DOCK1: variants seen among roughly 807,000 people sequenced by gnomAD.
DOCK1 encodes dedicator of cytokinesis 1.
In DOCK1, 138 loss-of-function variants were observed where a neutral mutation model predicts 262.7. That is an observed-to-expected ratio of 0.53 (90% CI 0.46 to 0.61). The LOEUF (loss-of-function observed/expected upper bound fraction) is 0.61, where lower values mean the gene tolerates loss of function less well. Ranked by LOEUF, DOCK1 falls within the 20% of genes least tolerant of loss-of-function variation. The pLI, the probability that DOCK1 is intolerant of heterozygous loss-of-function variation, is 0.00. For missense variants in DOCK1, 1,908 were observed against 2,370.7 expected (o/e 0.80, Z 4.05); for synonymous variants, 866 against 867.4 (o/e 1.00, Z 0.03).
chr10:127,279,125 GC>G (rs1422707142), intron 29 of DOCK1, among the ~76,000 whole-genome samples: 9 of 152,196 alleles, frequency 5.9e-5, no homozygotes, highest in African/African-American at 2.2e-4. Context: ...CACACACGTG[GC>G]TTTTTCACAA....
At chr10:126,996,652 G>T in intron 6 of DOCK1, 96 bp from the exon 7 acceptor site, 3 of 1,270,772 alleles carry the variant, frequency 2.4e-6, no homozygotes, top group Non-Finnish European at 3.1e-6. Flanking sequence ...TTTCTAGGTT[G>T]TTTTTACCTG....
intron 27 of DOCK1, among the ~76,000 whole-genome samples, chr10:127,201,088 G>C (rs928647501): frequency 2.0e-5 from 3 of 152,224 alleles, no homozygotes; most frequent in African/African-American, 7.2e-5. Context: ...CTGTAGGGTC[G>C]AGATCATTCC....
intron 22 of DOCK1, among the ~76,000 whole-genome samples, chr10:127,054,414 G>GT (rs946610028): frequency 3.3e-5 from 5 of 152,152 alleles, no homozygotes; most frequent in African/African-American, 1.2e-4. Flanking sequence ...GGGCATCATG[G>GT]TTTTGTCCTT....
chr10:126,965,287 G>C (rs1431060080), intron 1 of DOCK1, among the ~76,000 whole-genome samples: 1 of 152,196 alleles, frequency 6.6e-6, no homozygotes, highest in South Asian at 2.1e-4. Flanking sequence ...GAGGGAGGAA[G>C]GATTTTCAGC....
chr10:127,298,243 C>A (rs2061568177), intron 29 of DOCK1, among the ~76,000 whole-genome samples: 1 of 152,138 alleles, frequency 6.6e-6, no homozygotes, highest in African/African-American at 2.4e-5. Flanking sequence ...TGTCAAAAAT[C>A]ACAGGTCAGC....
chr10:127,412,816 G>A (rs528153370), intron 43 of DOCK1, among the ~76,000 whole-genome samples: 4 of 152,328 alleles, frequency 2.6e-5, no homozygotes, highest in Admixed American at 2.0e-4. Flanking sequence ...GATTCCTTGT[G>A]TGTCACCAAG....
intron 29 of DOCK1, among the ~76,000 whole-genome samples, chr10:127,305,220 TG>T (rs1230293761): frequency 6.6e-6 from 1 of 152,172 alleles, no homozygotes; most frequent in African/African-American, 2.4e-5. Flanking sequence ...CATTTTCTCA[TG>T]TCACATTTAT....
At chr10:127,260,827 G>A (rs2060016479) in intron 29 of DOCK1, among the ~76,000 whole-genome samples, 1 of 148,168 alleles carries the variant, frequency 6.7e-6, no homozygotes, top group Non-Finnish European at 1.5e-5. Flanking sequence ...GCATGTGTGT[G>A]CATGGGTGTG....
At chr10:127,207,481 T>C (rs748211171) in intron 27 of DOCK1, among the ~76,000 whole-genome samples, 2 of 152,194 alleles carry the variant, frequency 1.3e-5, no homozygotes, top group African/African-American at 2.4e-5. Flanking sequence ...AATAACACTT[T>C]TGGAAGACTT....
intron 1 of DOCK1, among the ~76,000 whole-genome samples, chr10:126,924,359 G>T (rs1303562787): frequency 1.5e-5 from 2 of 132,300 alleles, no homozygotes; most frequent in East Asian, 4.7e-4. Flanking sequence ...GAACTCAGTA[G>T]TGGGAGGCTG....
chr10:127,327,903 C>T (rs914873531), intron 29 of DOCK1, among the ~76,000 whole-genome samples: 3 of 152,058 alleles, frequency 2.0e-5, no homozygotes, highest in Admixed American at 1.3e-4. Flanking sequence ...TCACTTATGA[C>T]CTTGAGGCTC....
chr10:126,986,458 G>A (rs905029856), intron 4 of DOCK1, among the ~76,000 whole-genome samples: 1 of 152,116 alleles, frequency 6.6e-6, no homozygotes. Context: ...CAACCTGTGG[G>A]GCCAGCTAGC....
At chr10:127,262,047 T>C (rs1382485745) in intron 29 of DOCK1, among the ~76,000 whole-genome samples, 9 of 127,036 alleles carry the variant, frequency 7.1e-5, no homozygotes, top group Admixed American at 3.1e-4. Flanking sequence ...TGTGTGTGTG[T>C]ACCTGTGCTC....
chr10:127,015,602 G>C (rs2041812488), intron 12 of DOCK1, among the ~76,000 whole-genome samples: 1 of 152,070 alleles, frequency 6.6e-6, no homozygotes, highest in African/African-American at 2.4e-5. Context: ...GCTAGTGGTT[G>C]TGCCTGCAAG....
chr10:127,076,350 A>T (rs573262034), intron 23 of DOCK1, among the ~76,000 whole-genome samples: 1 of 152,232 alleles, frequency 6.6e-6, no homozygotes, highest in Admixed American at 6.5e-5. Flanking sequence ...AAATACAAAA[A>T]ATTAGCTAGG....
chr10:126,912,594 C>T (rs61875474), intron 1 of DOCK1, among the ~76,000 whole-genome samples: 13,078 of 151,428 alleles, frequency 0.086, 738 homozygotes, highest in Non-Finnish European at 0.13. Context: ...GGCGTGGTGG[C>T]GGGCGCCTGT....
intron 13 of DOCK1, among the ~76,000 whole-genome samples, chr10:127,022,691 T>G (rs1363697891): frequency 6.6e-6 from 1 of 152,216 alleles, no homozygotes; most frequent in Non-Finnish European, 1.5e-5. Flanking sequence ...CCACCTCGCC[T>G]GGCCGGTCCT....
chr10:127,024,284 G>C (rs2042665041), intron 14 of DOCK1, among the ~76,000 whole-genome samples: 1 of 152,210 alleles, frequency 6.6e-6, no homozygotes, highest in African/African-American at 2.4e-5. Context: ...GGTCTTTCTG[G>C]TTGGAGTGAA....
intron 1 of DOCK1, among the ~76,000 whole-genome samples, chr10:126,912,542 C>T (rs1032704942): frequency 1.1e-4 from 16 of 149,778 alleles, no homozygotes; most frequent in African/African-American, 3.5e-4. Context: ...CCGGCTAACA[C>T]GGTGAAACCC....
Sources: allele counts gnomAD v4.1 joint callset (sites outside exome capture counted in the v4.1 genomes callset), GRCh38; gene constraint gnomAD v4.1.1; transcripts MANE v1.5; gene names NCBI Gene and HGNC (gene_info 2026-07-23, HGNC 2026-07-21).